HTT: variants seen among roughly 807,000 people sequenced by gnomAD.
The protein encoded by HTT is huntington disease protein.
In HTT, 104 loss-of-function variants were observed where a neutral mutation model predicts 362.3. That is an observed-to-expected ratio of 0.29 (90% CI 0.24 to 0.34). The LOEUF is 0.34. Among genes scored for constraint, HTT ranks in the 10% least tolerant of loss-of-function variants. The probability of loss-of-function intolerance (pLI) is 1.00; values close to 1 mark genes in which losing one functional copy is unlikely to be tolerated. For missense variants in HTT, 3,301 were observed against 3,928.6 expected (o/e 0.84, Z 4.27); for synonymous variants, 1,577 against 1,548.7 (o/e 1.02, Z -0.43).
At chr4:3,208,666 C>G in intron 45 of HTT, 107 bp from the exon 46 acceptor site, 1 of 1,060,104 alleles carries the variant, frequency 9.4e-7, no homozygotes, top group Admixed American at 3.1e-5. Context: ...AATAGTGCAT[C>G]TCCTTAGAGT....
rs529785822 is a variant in HTT at position 3,186,308 on chromosome 4, T to C, written c.4867-289T>C. ...TTGTGTCAGGGTGCTGCAGTGCTAG[T>C]TGATTTTTTTTCACACTTTTGTATA... is the stretch of plus-strand genomic sequence containing the variant. On this transcript the variant is annotated intron_variant, in intron 37 of 66. Coordinates refer to ENST00000355072, the MANE Select transcript of HTT (RefSeq NM_001388492.1). Among the ~76,000 whole-genome samples the C allele has an allele frequency of 4.6e-5, 7 of 152,328 alleles. No homozygotes were observed. In the South Asian group the frequency reaches 6.2e-4, roughly 14 times the overall value.
At chr4:3,235,488 G>T in intron 62 of HTT, 77 bp from the exon 63 acceptor site, 1 of 1,537,566 alleles carries the variant, frequency 6.5e-7, no homozygotes, top group South Asian at 1.1e-5. Flanking sequence ...GGCCAGTTTT[G>T]ACTTGGTCGG....
intron 40 of HTT, among the ~76,000 whole-genome samples, chr4:3,194,052 A>G (rs918164444): frequency 2.0e-5 from 3 of 152,250 alleles, no homozygotes; most frequent in Non-Finnish European, 2.9e-5. Context: ...AAGAGTTGAA[A>G]TAATTCATCT....
chr4:3,182,312 G>A (rs1454837373), intron 36 of HTT, 42 bp from the exon 37 acceptor site: 10 of 1,314,450 alleles, frequency 7.6e-6, no homozygotes, highest in Admixed American at 5.1e-5. Context: ...GTGGAAAGGC[G>A]TCTCTTGGCA....
At chr4:3,116,484 T>TACTA (rs985836731) in intron 8 of HTT, among the ~76,000 whole-genome samples, 1 of 152,190 alleles carries the variant, frequency 6.6e-6, no homozygotes, top group Admixed American at 6.5e-5. Context: ...GGTGCCGTGT[T>TACTA]ACCTAAGCCT....
chr4:3,194,475 T>C (rs961665650), intron 40 of HTT, among the ~76,000 whole-genome samples: 1 of 152,154 alleles, frequency 6.6e-6, no homozygotes, highest in Non-Finnish European at 1.5e-5. Context: ...AACATCAGCT[T>C]TGTTTGTTGT....
chr4:3,204,172 G>A (rs753501879), intron 42 of HTT, 24 bp downstream of exon 42: 4 of 1,613,382 alleles, frequency 2.5e-6, no homozygotes, highest in East Asian at 2.2e-5. Flanking sequence ...GCCTGTAAAC[G>A]GGGTTGAGGG....
At chr4:3,142,009 A>G (rs1716369579) in intron 22 of HTT, among the ~76,000 whole-genome samples, 1 of 152,242 alleles carries the variant, frequency 6.6e-6, no homozygotes, top group South Asian at 2.1e-4. Context: ...ATATTTATTA[A>G]TAGATGCCAA....
intron 60 of HTT, 124 bp from the exon 61 acceptor site, chr4:3,233,039 G>A (rs1449354141): frequency 4.4e-5 from 33 of 753,258 alleles, no homozygotes; most frequent in South Asian, 6.0e-5. Flanking sequence ...GATGGTCTCC[G>A]GCCTGCTGTG....
At chr4:3,183,355 G>A (rs1158670544) in intron 37 of HTT, among the ~76,000 whole-genome samples, 1 of 152,230 alleles carries the variant, frequency 6.6e-6, no homozygotes, top group Admixed American at 6.5e-5. Context: ...AGAGAAGGGT[G>A]GTGGGGACCT....
At chr4:3,153,806 C>A (rs923436499) in intron 26 of HTT, among the ~76,000 whole-genome samples, 39 of 152,166 alleles carry the variant, frequency 2.6e-4, no homozygotes, top group African/African-American at 9.2e-4. Flanking sequence ...TGCCTGTGGT[C>A]CCATCTACTC....
chr4:3,238,453 GA>G lies in HTT; in HGVS notation c.8901del (p.Gly2968AlafsTer17). 1 of 1,609,480 alleles carries G rather than the reference GA, an allele frequency of 6.2e-7. No homozygotes were observed. Among genetic ancestry groups the G allele is most frequent in the Non-Finnish European group, 8.5e-7 (1 of 1,177,770 alleles). On this transcript the variant is annotated frameshift_variant, in exon 65 of 67. Transcript: ENST00000355072. LOFTEE classifies it high-confidence loss of function. The part of the protein sequence containing the change: ...RVSVLFDRIR[K>X]GFPCEARVVA... ...CCTGCGTCCCTCCTCCCAGGATCAG[GA>G]AAGGCTTTCCTTGTGAAGCCAGAGT...
At chr4:3,177,242 A>G in intron 33 of HTT, 90 bp from the exon 34 acceptor site, 1 of 842,436 alleles carries the variant, frequency 1.2e-6, no homozygotes, top group Non-Finnish European at 2.0e-6. Flanking sequence ...ATTTTATTTA[A>G]AATTTATGCA....
chr4:3,238,087 C>T (rs986631314), intron 64 of HTT, among the ~76,000 whole-genome samples: 1 of 151,512 alleles, frequency 6.6e-6, no homozygotes, highest in Non-Finnish European at 1.5e-5. Context: ...CTTTCAAACT[C>T]CTCTTAGGAG....
chr4:3,108,051 A>G (rs1406531673), intron 6 of HTT, among the ~76,000 whole-genome samples: 1 of 152,184 alleles, frequency 6.6e-6, no homozygotes, highest in Non-Finnish European at 1.5e-5. Flanking sequence ...CCTCTTTACT[A>G]GTTATTTTCC....
At chr4:3,122,519 T>C (rs1327367920) in intron 9 of HTT, among the ~76,000 whole-genome samples, 1 of 152,168 alleles carries the variant, frequency 6.6e-6, no homozygotes, top group Non-Finnish European at 1.5e-5. Flanking sequence ...CACGGAAGAA[T>C]TTTTTTCTGT....
chr4:3,157,327 C>G, intron 28 of HTT, 128 bp downstream of exon 28: 2 of 878,850 alleles, frequency 2.3e-6, no homozygotes, highest in South Asian at 1.6e-5. Context: ...TTAGTTTTTT[C>G]AAGTTTGTTT....
At chr4:3,114,040 ATATT>A (rs1185200134) in intron 6 of HTT, among the ~76,000 whole-genome samples, 1 of 152,222 alleles carries the variant, frequency 6.6e-6, no homozygotes, top group Non-Finnish European at 1.5e-5. Context: ...ATTTACCCAC[ATATT>A]TATTAATAGC....
intron 15 of HTT, 80 bp from the exon 16 acceptor site, chr4:3,131,558 A>T: frequency 6.4e-7 from 1 of 1,563,546 alleles, no homozygotes; most frequent in Non-Finnish European, 8.8e-7. Context: ...GGGAGCAGGT[A>T]GGTTATTGGG....
Sources: gnomAD v4.1 joint callset for allele counts (sites outside exome capture counted in the v4.1 genomes callset) on GRCh38, gnomAD v4.1.1 for gene constraint, MANE v1.5 for transcripts, NCBI Gene and HGNC (gene_info 2026-07-23, HGNC 2026-07-21) for gene names.